SLC23A2: variants seen among roughly 807,000 people sequenced by gnomAD.
SLC23A2 encodes the protein solute carrier family 23 member 2.
In SLC23A2, 36 loss-of-function variants were observed where a neutral mutation model predicts 73.3. The observed-to-expected ratio is 0.49, with a 90% CI of 0.38 to 0.65. The LOEUF (loss-of-function observed/expected upper bound fraction) is 0.65. Ranked by LOEUF, SLC23A2 falls within the 30% of genes least tolerant of loss-of-function variation. The pLI, the probability that SLC23A2 is intolerant of heterozygous loss-of-function variation, is 0.00. For missense variants in SLC23A2, 507 were observed against 841.6 expected, an observed-to-expected ratio of 0.60 and a Z score of 4.92; for synonymous variants, 343 against 327.3, an observed-to-expected ratio of 1.05 and a Z score of -0.52.
chr20:4,870,685 A>C (rs1011559971), intron 11 of SLC23A2, among the ~76,000 whole-genome samples: 2 of 152,204 alleles, frequency 1.3e-5, no homozygotes, highest in Non-Finnish European at 2.9e-5. Context: ...AACAACTGAA[A>C]GTGCCCTGCC....
At chr20:4,983,826 C>G in intron 1 of SLC23A2, among the ~76,000 whole-genome samples, 1 of 149,188 alleles carries the variant, frequency 6.7e-6, no homozygotes. Flanking sequence ...CGTGGTGGTG[C>G]ATGCCTGTAA....
At chr20:4,858,569 A>G (rs1053418899) in intron 16 of SLC23A2, among the ~76,000 whole-genome samples, 2 of 152,034 alleles carry the variant, frequency 1.3e-5, no homozygotes, top group African/African-American at 4.8e-5. Context: ...AAAGGGGAAA[A>G]TCTCAACAAA....
intron 2 of SLC23A2, among the ~76,000 whole-genome samples, chr20:4,966,625 T>C (rs932900388): frequency 1.3e-5 from 2 of 152,184 alleles, no homozygotes; most frequent in Admixed American, 1.3e-4. Flanking sequence ...CTAAAATTAA[T>C]TGTTCTTGTT....
chr20:4,929,388 C>T (rs904350627), intron 3 of SLC23A2, among the ~76,000 whole-genome samples: 6 of 152,180 alleles, frequency 3.9e-5, no homozygotes, highest in Admixed American at 1.3e-4. Flanking sequence ...AGCAGGGGAA[C>T]AAGGTGGGGG....
chr20:4,861,838 C>T (rs1457020648), intron 15 of SLC23A2, 110 bp downstream of exon 15: 4 of 1,092,806 alleles, frequency 3.7e-6, no homozygotes, highest in Admixed American at 4.4e-5. Context: ...GACGCATCTG[C>T]ACCACAGCTC....
intron 12 of SLC23A2, 47 bp from the exon 13 acceptor site, chr20:4,867,922 T>C (rs1251099538): frequency 2.7e-6 from 3 of 1,104,224 alleles, no homozygotes; most frequent in Non-Finnish European, 4.2e-6. Flanking sequence ...AATGGGATAA[T>C]GCATTCACTC....
rs758041566 is a variant in SLC23A2, at chr20:4,931,068, G to GAAAA, written c.108+1383_108+1386dup. The stretch of plus-strand genomic sequence containing the variant: ...CTTAAAATAACTGTTATTTTTTTAA[G>GAAAA]AAAAAAAAAAAAAAAAAAAAAAAAG... On this transcript the variant is annotated intron_variant, in intron 3 of 16. Transcript: ENST00000338244. 9.6e-4 allele frequency among the ~76,000 whole-genome samples: 72 copies of GAAAA among 75,048 alleles called. 2 individuals carry two copies. The highest frequency in any genetic ancestry group is 2.2e-3 in the African/African-American group (46 of 21,084). 49.2% of individuals were successfully genotyped at this position (75,048 alleles called of 152,430 possible). A position where few individuals can be genotyped will look rare whatever the true frequency, so the allele number is the denominator to read the frequency against.
rs111733329 is a variant in SLC23A2, at chr20:4,998,476, C to T, written c.-282+2930G>A. ...AGAAAATGAGAAGAACGGCATAGCG[C>T]ACAAAGGGCTCGTTTCAACCTAGAG... On this transcript the variant is annotated intron_variant, in intron 1 of 16. Coordinates refer to ENST00000338244, the MANE Select transcript of SLC23A2 (RefSeq NM_005116.6). This position sits in a 1 kb window ranked among gnomAD's most constrained non-coding sequence, Gnocchi z 4.1. Among the ~76,000 whole-genome samples, 987 of 152,120 alleles carry T rather than the reference C, an allele frequency of 6.5e-3. 11 individuals are homozygous for T. Among genetic ancestry groups the T allele is most frequent in the African/African-American group, 0.021 (877 of 41,502 alleles).
Position 4,972,812 on chromosome 20 carries a change from C to G in SLC23A2, c.-281-1893G>C, listed in dbSNP as rs556250026. ...ATGCTGGCCAGGCTGGTCTTGAACT[C>G]GACCTTAGGTGATCCACCCGCCTCG... On this transcript the variant is annotated intron_variant, in intron 1 of 16. Transcript: ENST00000338244. Among the ~76,000 whole-genome samples the G allele has an allele frequency of 1.2e-4, 18 of 151,686 alleles. No individual in the cohort carries two copies. In the East Asian group the frequency reaches 3.3e-3, roughly 28 times the overall value.
rs575510701 is a variant in SLC23A2 at position 4,853,695 on chromosome 20, A to G, written c.*3277T>C. The G allele has an allele frequency of 9.8e-5, 15 of 152,764 alleles. No individual in the cohort carries two copies. Among genetic ancestry groups the G allele is most frequent in the African/African-American group, 3.6e-4 (15 of 41,570 alleles). The allele number at this position is 152,764 out of a possible 1,614,324, so 9.5% of individuals were successfully genotyped here. A position where few individuals can be genotyped will look rare whatever the true frequency, so the allele number is the denominator to read the frequency against. On this transcript the variant is annotated 3_prime_UTR_variant, in exon 17 of 17. Coordinates refer to ENST00000338244, the MANE Select transcript of SLC23A2 (RefSeq NM_005116.6). ...CATGAAAGTCGGTATTCTACAGCAT[A>G]AAGCAAAACCTCTGTGCGAATTTGT... is the stretch of plus-strand genomic sequence containing the variant.
At chr20:4,914,083 A>G (rs1942971049) in intron 3 of SLC23A2, among the ~76,000 whole-genome samples, 1 of 151,878 alleles carries the variant, frequency 6.6e-6, no homozygotes, top group Non-Finnish European at 1.5e-5. Flanking sequence ...AGATTTAAAA[A>G]GTATATTAAA....
intron 6 of SLC23A2, among the ~76,000 whole-genome samples, chr20:4,890,722 C>T (rs1763734718): frequency 6.6e-6 from 1 of 152,130 alleles, no homozygotes; most frequent in Non-Finnish European, 1.5e-5. Context: ...CTATCATTTA[C>T]TGTATCCATC....
upstream of SLC23A2, among the ~76,000 whole-genome samples, chr20:5,004,680 G>GAATA (rs1024929679): frequency 2.0e-5 from 3 of 152,020 alleles, no homozygotes; most frequent in Non-Finnish European, 4.4e-5. Flanking sequence ...CCCCATCTCT[G>GAATA]AATAAATAAA....
intron 11 of SLC23A2, among the ~76,000 whole-genome samples, chr20:4,873,397 C>A (rs1272869781): frequency 6.6e-6 from 1 of 152,162 alleles, no homozygotes; most frequent in Non-Finnish European, 1.5e-5. Context: ...TGTATTCACA[C>A]CCCCAACAGT....
In SLC23A2 at chr20:4,868,167, C is replaced by T. The variant is rs1380879085; in HGVS notation, c.1251-292G>A. ...CGATCTTGGCTCACTGCAACCTCCA[C>T]CTCCTGGGTTCAAGAGATTCTCCTG... On this transcript the variant is annotated intron_variant, in intron 12 of 16. Coordinates refer to ENST00000338244, the MANE Select transcript of SLC23A2 (RefSeq NM_005116.6). This position sits in a 1 kb window ranked among gnomAD's most constrained non-coding sequence, Gnocchi z 4.4. Among the ~76,000 whole-genome samples the T allele has an allele frequency of 1.2e-4, 18 of 150,804 alleles. No homozygotes were observed. Among genetic ancestry groups the T allele is most frequent in the Admixed American group, 1.1e-3 (16 of 15,062 alleles).
chr20:4,926,384 G>A, intron 3 of SLC23A2, among the ~76,000 whole-genome samples: 1 of 152,162 alleles, frequency 6.6e-6, no homozygotes, highest in East Asian at 1.9e-4. Flanking sequence ...GCTGTTAACT[G>A]GGCTTCCAGG....
chr20:4,862,226 G>A lies in SLC23A2; in HGVS notation c.1487-141C>T, dbSNP rs1174684096. ...CCAGTGCAGGGACAGGAAGGGGGAC[G>A]TGTGGGGTCAGACTGTAGCCACCCT... On this transcript the variant is annotated intron_variant, in intron 14 of 16. Coordinates refer to ENST00000338244, the MANE Select transcript of SLC23A2 (RefSeq NM_005116.6). The surrounding 1 kb of genome is among the most constrained non-coding windows in gnomAD (Gnocchi z 5.1). The A allele has an allele frequency of 1.8e-5, 15 of 813,662 alleles. No individual in the cohort carries two copies. The highest frequency in any genetic ancestry group is 6.9e-5 in the African/African-American group (4 of 57,730). 50.4% of individuals were successfully genotyped at this position (813,662 alleles called of 1,614,324 possible).
In SLC23A2 at chr20:4,902,443, T is replaced by A; in HGVS notation, c.323A>T (p.Gln108Leu). The A allele has an allele frequency of 6.5e-7, 1 of 1,547,680 alleles. No individual in the cohort carries two copies. Among genetic ancestry groups the A allele is most frequent in the Non-Finnish European group, 8.9e-7 (1 of 1,123,042 alleles). Reference protein sequence around the residue: ...PWYLCIFLGLQHYLTCFSGTI... With the variant: ...PWYLCIFLGLLHYLTCFSGTI... ...CACATCCTACAGGAACCATCTTACC[T>A]GTAGCCCCAGAAATATACACAGGTA... The change falls in exon 5 of 17, where the codon CAG becomes CTG. Residue 108 changes from glutamine to leucine, a missense_variant and splice_region_variant. By Grantham distance (113) the Gln-to-Leu change is moderately radical (BLOSUM62 -2). Coordinates refer to ENST00000338244, the MANE Select transcript of SLC23A2 (RefSeq NM_005116.6). The surrounding 1 kb of genome is among the most constrained non-coding windows in gnomAD (Gnocchi z 4.0).
rs1929622156 is a variant in SLC23A2, at chr20:4,854,022, G to A, written c.*2950C>T. 3 of 152,356 alleles carry A rather than the reference G, an allele frequency of 2.0e-5. 1 individual carries two copies. The South Asian group carries it at 6.2e-4, about 32-fold the overall frequency. 9.4% of individuals were successfully genotyped at this position (152,356 alleles called of 1,614,324 possible). A position where few individuals can be genotyped will look rare whatever the true frequency, so the allele number is the denominator to read the frequency against. On this transcript the variant is annotated 3_prime_UTR_variant, in exon 17 of 17. Transcript: ENST00000338244. Reference sequence around the variant, plus strand: ...CGTATTCACGCTGTCTACATTTCATGTTGGGATTGCCCACACAAATGCTTT... The same window carrying A: ...CGTATTCACGCTGTCTACATTTCATATTGGGATTGCCCACACAAATGCTTT...
Sources: gnomAD v4.1 joint callset for allele counts (sites outside exome capture counted in the v4.1 genomes callset) on GRCh38, gnomAD v4.1.1 for gene constraint, Gnocchi (gnomAD v3.1) non-coding constraint, MANE v1.5 for transcripts, NCBI Gene and HGNC (gene_info 2026-07-23, HGNC 2026-07-21) for gene names.